DNM3: variants seen among roughly 807,000 people sequenced by gnomAD.
DNM3 encodes the protein dynamin 3.
In DNM3, 47 loss-of-function variants were observed where a neutral mutation model predicts 101.6. The ratio of observed to expected loss-of-function variants is 0.46; its 90% CI spans 0.37 to 0.59. DNM3 has a LOEUF of 0.59. Ranked by LOEUF, DNM3 falls within the 20% of genes least tolerant of loss-of-function variation. DNM3 has a pLI of 0.00. For missense variants in DNM3, 849 were observed against 1,085.7 expected, an observed-to-expected ratio of 0.78 and a Z score of 3.06; for synonymous variants, 385 against 387.9, an observed-to-expected ratio of 0.99 and a Z score of 0.09.
At chr1:171,929,271 C>T (rs1001979361) in intron 2 of DNM3, among the ~76,000 whole-genome samples, 7 of 151,988 alleles carry the variant, frequency 4.6e-5, no homozygotes, top group Admixed American at 6.5e-5. Flanking sequence ...CCTGTGTCAG[C>T]CAGAGAACAC....
chr1:172,140,657 T>G (rs539021707), intron 14 of DNM3: 1 of 151,998 alleles, frequency 6.6e-6, no homozygotes, highest in South Asian at 2.1e-4. Flanking sequence ...TAAAACAGTT[T>G]TATTAAGGCA....
chr1:172,158,808 T>C (rs2058440398), intron 14 of DNM3, among the ~76,000 whole-genome samples: 1 of 152,088 alleles, frequency 6.6e-6, no homozygotes. Context: ...AAAAAAGTGT[T>C]TACTATTAAA....
At chr1:172,356,704 G>A (rs1269076024) in intron 17 of DNM3, among the ~76,000 whole-genome samples, 1 of 152,006 alleles carries the variant, frequency 6.6e-6, no homozygotes, top group African/African-American at 2.4e-5. Flanking sequence ...GGAAGTACAG[G>A]ACCTTTGTTT....
chr1:172,389,744 A>G (rs1031669077), intron 20 of DNM3, among the ~76,000 whole-genome samples: 30 of 152,236 alleles, frequency 2.0e-4, no homozygotes, highest in African/African-American at 7.2e-4. Flanking sequence ...AACAGATGTG[A>G]CTTCTACCCA....
At chr1:172,416,832 G>A (rs1340847958), downstream of DNM3, among the ~76,000 whole-genome samples, 2 of 152,114 alleles carry the variant, frequency 1.3e-5, no homozygotes, top group East Asian at 1.9e-4. Flanking sequence ...TAAAGCTAAA[G>A]CCTTGCAGAC....
Position 171,841,513 on chromosome 1 carries a change from G to C in DNM3, c.-144G>C. 8.5e-7 allele frequency: 1 copy of C among 1,182,740 alleles called. No individual in the cohort carries two copies. Among genetic ancestry groups the C allele is most frequent in the Non-Finnish European group, 1.1e-6 (1 of 886,118 alleles). The allele number at this position is 1,182,740 out of a possible 1,614,324, so 73.3% of individuals were successfully genotyped here. A position where few individuals can be genotyped will look rare whatever the true frequency, so the allele number is the denominator to read the frequency against. ...GTTAGCTGTCAGAGCCAAGCGGCGGGCTGGCGGCGGGCTCCGACGTCTGCG... is the reference window on the plus strand; with the variant it reads ...GTTAGCTGTCAGAGCCAAGCGGCGGCCTGGCGGCGGGCTCCGACGTCTGCG... On this transcript the variant is annotated 5_prime_UTR_variant, in exon 1 of 21. Transcript: ENST00000627582.
intron 9 of DNM3, among the ~76,000 whole-genome samples, chr1:172,047,422 G>A (rs1325517571): frequency 6.6e-6 from 1 of 152,130 alleles, no homozygotes; most frequent in Non-Finnish European, 1.5e-5. Context: ...GGTGGGATTT[G>A]AATAGGCCAA....
chr1:172,130,984 G>T (rs190288019), intron 13 of DNM3, among the ~76,000 whole-genome samples, 191 bp from the exon 14 acceptor site: 16 of 152,150 alleles, frequency 1.1e-4, no homozygotes, highest in Admixed American at 1.3e-4. Context: ...TGACAGGAGA[G>T]ACTTCCCTTC....
At chr1:172,261,001 C>G (rs560703725) in intron 15 of DNM3, among the ~76,000 whole-genome samples, 1 of 152,116 alleles carries the variant, frequency 6.6e-6, no homozygotes, top group East Asian at 1.9e-4. Flanking sequence ...GTCACCCATG[C>G]TGGCGTGCAG....
At chr1:172,089,719 A>G (rs1439732363) in intron 12 of DNM3, among the ~76,000 whole-genome samples, 2 of 152,236 alleles carry the variant, frequency 1.3e-5, no homozygotes, top group Non-Finnish European at 2.9e-5. Context: ...AAGTAAATCT[A>G]CTTTTCCTTT....
At chr1:171,959,976 G>A (rs1338175432) in intron 2 of DNM3, among the ~76,000 whole-genome samples, 1 of 152,132 alleles carries the variant, frequency 6.6e-6, no homozygotes, top group Non-Finnish European at 1.5e-5. Context: ...GGGGTGAATA[G>A]TGCCCTCCCA....
intron 17 of DNM3, among the ~76,000 whole-genome samples, chr1:172,371,316 T>C (rs1322833449): frequency 2.6e-5 from 4 of 152,014 alleles, no homozygotes; most frequent in African/African-American, 9.7e-5. Flanking sequence ...AACCCACAAA[T>C]GTTCATTAGT....
At chr1:172,252,259 C>A (rs902517537) in intron 14 of DNM3, among the ~76,000 whole-genome samples, 1 of 152,054 alleles carries the variant, frequency 6.6e-6, no homozygotes, top group Admixed American at 6.6e-5. Context: ...TAGAATGCTA[C>A]CTTTTTGCTA....
At chr1:172,026,883 G>A (rs943362044) in intron 4 of DNM3, among the ~76,000 whole-genome samples, 1 of 152,080 alleles carries the variant, frequency 6.6e-6, no homozygotes, top group African/African-American at 2.4e-5. Flanking sequence ...TCGATCTCCT[G>A]ACCTCGTGAT....
chr1:171,931,969 G>A (rs1446763105), intron 2 of DNM3, among the ~76,000 whole-genome samples: 1 of 149,960 alleles, frequency 6.7e-6, no homozygotes, highest in African/African-American at 2.5e-5. Context: ...GGACCATAAT[G>A]TATCTTTTCC....
intron 2 of DNM3, among the ~76,000 whole-genome samples, chr1:171,944,004 C>T (rs2041986178): frequency 6.6e-6 from 1 of 151,974 alleles, no homozygotes; most frequent in African/African-American, 2.4e-5. Flanking sequence ...TTGTTTGAAA[C>T]AGGGGTCAGC....
At chr1:172,177,125 T>C (rs2059179748) in intron 14 of DNM3, among the ~76,000 whole-genome samples, 1 of 151,724 alleles carries the variant, frequency 6.6e-6, no homozygotes, top group Non-Finnish European at 1.5e-5. Flanking sequence ...TGAAAATGTA[T>C]TTTTTTCCAG....
At chr1:172,338,217 G>T (rs1225194686) in intron 17 of DNM3, among the ~76,000 whole-genome samples, 1 of 152,002 alleles carries the variant, frequency 6.6e-6, no homozygotes, top group East Asian at 1.9e-4. Context: ...ACCCCGCCTG[G>T]GAGTATTCAT....
chr1:171,886,692 A>T (rs2036808297), intron 1 of DNM3, among the ~76,000 whole-genome samples: 1 of 152,214 alleles, frequency 6.6e-6, no homozygotes, highest in Non-Finnish European at 1.5e-5. Context: ...TTGAATTTGA[A>T]ATAAGAAAGG....
Sources: allele counts gnomAD v4.1 joint callset (sites outside exome capture counted in the v4.1 genomes callset), GRCh38; gene constraint gnomAD v4.1.1; transcripts MANE v1.5; gene names NCBI Gene and HGNC (gene_info 2026-07-23, HGNC 2026-07-21).